DZIP3: variants seen among roughly 807,000 people sequenced by gnomAD.
The protein encoded by DZIP3 is E3 ubiquitin-protein ligase DZIP3.
In DZIP3, 118 loss-of-function variants were observed where a neutral mutation model predicts 162.0. That is an observed-to-expected ratio of 0.73 (90% confidence interval 0.63 to 0.85). The LOEUF (loss-of-function observed/expected upper bound fraction) is 0.85. Ranked by LOEUF, DZIP3 falls within the 40% of genes least tolerant of loss-of-function variation. DZIP3 has a pLI of 0.00. For missense variants in DZIP3, 1,331 were observed against 1,407.0 expected, an observed-to-expected ratio of 0.95 and a Z score of 0.86; for synonymous variants, 438 against 458.6, an observed-to-expected ratio of 0.96 and a Z score of 0.57.
rs1332287728 is a variant in DZIP3, at chr3:108,661,967, T to C, written c.2290T>C (p.Cys764Arg). 2 of 1,613,076 alleles carry C rather than the reference T, an allele frequency of 1.2e-6. No individual in the cohort carries two copies. The highest frequency in any genetic ancestry group is 1.7e-6 in the Non-Finnish European group (2 of 1,179,512). ...GCAGCTTTATAAATTGCACTATCAG[T>C]GTGAAGTAAGTATTTTTGCCATTAG... ...QRQLYKLHYQ[C>R]EDFKRQLRTV... is the part of the protein sequence containing the mutation. Residue 764 changes from cysteine (C) to arginine (R), a missense_variant, in exon 20 of 33, where the codon TGT becomes CGT. Around this residue, in one of 2 missense-constraint regions of DZIP3, gnomAD observed 1,278 missense variants for 1,317.1 expected, o/e 0.97. Coordinates refer to ENST00000361582, the MANE Select transcript of DZIP3 (RefSeq NM_014648.4).
At chr3:108,659,808 A>G (rs1216240756) in intron 19 of DZIP3, among the ~76,000 whole-genome samples, 3 of 152,236 alleles carry the variant, frequency 2.0e-5, no homozygotes, top group Non-Finnish European at 4.4e-5. Context: ...TATAAAATCA[A>G]TGTGCAAAAA....
intron 13 of DZIP3, among the ~76,000 whole-genome samples, chr3:108,643,372 G>T (rs1446077376): frequency 1.3e-5 from 2 of 151,906 alleles, no homozygotes; most frequent in Non-Finnish European, 2.9e-5. Context: ...CTTTTTTTGA[G>T]GGGGTGAGAA....
chr3:108,657,559 G>T (rs1324907790), intron 19 of DZIP3, among the ~76,000 whole-genome samples: 2 of 151,996 alleles, frequency 1.3e-5, no homozygotes, highest in South Asian at 4.2e-4. Context: ...AGACCATCGA[G>T]GCTAGGAAGA....
At chr3:108,620,217 G>A (rs1941258682) in intron 5 of DZIP3, among the ~76,000 whole-genome samples, 1 of 152,166 alleles carries the variant, frequency 6.6e-6, no homozygotes, top group Non-Finnish European at 1.5e-5. Flanking sequence ...GCCCAGGGAA[G>A]CCTATAAGAG....
In DZIP3 at chr3:108,644,582, T is replaced by G. The variant is rs1156533510; in HGVS notation, c.1560T>G (p.Gly520=). The change falls in exon 14 of 33, where the codon GGT becomes GGG. Residue 520 remains glycine (G), a synonymous_variant. Transcript: ENST00000361582. Reference sequence around the variant, plus strand: ...TCCTTAGTGAGATTTTGATGAATGGTCTCACTGAGTCACAGTTCAATTCAA... The same window carrying G: ...TCCTTAGTGAGATTTTGATGAATGGGCTCACTGAGTCACAGTTCAATTCAA... ...DILLSEILMN[G]LTESQFNSIW... The G allele has an allele frequency of 1.2e-6, 2 of 1,614,114 alleles. No homozygotes were observed. The highest frequency in any genetic ancestry group is 1.1e-5 in the South Asian group (1 of 91,080).
intron 19 of DZIP3, among the ~76,000 whole-genome samples, chr3:108,659,241 CA>C (rs1943300453): frequency 6.6e-6 from 1 of 152,102 alleles, no homozygotes; most frequent in African/African-American, 2.4e-5. Context: ...CAAAAATCCT[CA>C]ATAAAATACT....
At chr3:108,679,711 G>A (rs1440929733) in intron 26 of DZIP3, among the ~76,000 whole-genome samples, 1 of 152,062 alleles carries the variant, frequency 6.6e-6, no homozygotes, top group Non-Finnish European at 1.5e-5. Context: ...TTGATCTTGG[G>A]AAAAATCAGC....
intron 7 of DZIP3, among the ~76,000 whole-genome samples, chr3:108,626,677 AAT>A (rs1262306832): frequency 6.6e-6 from 1 of 152,228 alleles, no homozygotes; most frequent in Non-Finnish European, 1.5e-5. Flanking sequence ...TGGTTTACAA[AAT>A]ACAGTTCCTG....
Position 108,648,119 on chromosome 3 carries a change from G to C in DZIP3, c.1962+7G>C. On this transcript the variant is annotated splice_region_variant and intron_variant, in intron 16 of 32. Transcript: ENST00000361582. ...TCTTAAAGATCTCCAGGAAGTATAA[G>C]CTCTCATTAATATTTGAGTTAGAAG... The C allele has an allele frequency of 6.3e-7, 1 of 1,587,902 alleles. No homozygotes were observed.
At chr3:108,667,150 T>C (rs1018057317) in intron 21 of DZIP3, among the ~76,000 whole-genome samples, 1 of 151,194 alleles carries the variant, frequency 6.6e-6, no homozygotes, top group African/African-American at 2.4e-5. Flanking sequence ...CAAGGCTCCA[T>C]TTCAAAAAAA....
At chr3:108,688,558 T>G (rs1193599008) in intron 29 of DZIP3, 35 bp from the exon 30 acceptor site, 1 of 1,598,456 alleles carries the variant, frequency 6.3e-7, no homozygotes, top group East Asian at 2.2e-5. Flanking sequence ...TTTAGGATAA[T>G]TCTGAAAAAA....
At chr3:108,617,573 A>T (rs1941086942) in intron 5 of DZIP3, among the ~76,000 whole-genome samples, 1 of 152,198 alleles carries the variant, frequency 6.6e-6, no homozygotes, top group South Asian at 2.1e-4. Context: ...AAAAAGGACT[A>T]CCCAGACACC....
rs183944743 is a variant in DZIP3 at position 108,646,194 on chromosome 3, T to C, written c.1760-423T>C. Among the ~76,000 whole-genome samples, 359 of 152,280 alleles carry C rather than the reference T, an allele frequency of 2.4e-3. 1 individual carries two copies. The highest frequency in any genetic ancestry group is 2.7e-3 in the Non-Finnish European group (186 of 68,016). On this transcript the variant is annotated intron_variant, in intron 14 of 32. Transcript: ENST00000361582. ...AGAGCTTAACACAGCCTGATGTACA[T>C]TGTAGGTGCTCAATAAATATTAATG...
At chr3:108,621,854 C>T (rs1941366388) in intron 5 of DZIP3, among the ~76,000 whole-genome samples, 1 of 152,034 alleles carries the variant, frequency 6.6e-6, no homozygotes, top group African/African-American at 2.4e-5. Flanking sequence ...TTGAAAGCAA[C>T]CTAAGTGTCC....
intron 3 of DZIP3, among the ~76,000 whole-genome samples, chr3:108,610,006 G>A (rs1011363319): frequency 1.3e-5 from 2 of 152,008 alleles, no homozygotes; most frequent in Non-Finnish European, 2.9e-5. Context: ...TCTTTATAAG[G>A]GGTTTTTCTA....
chr3:108,609,737 G>A (rs1021823926), intron 3 of DZIP3, among the ~76,000 whole-genome samples: 3 of 152,100 alleles, frequency 2.0e-5, no homozygotes, highest in African/African-American at 7.2e-5. Flanking sequence ...GCTACTTGAG[G>A]GGCTAAGGTG....
chr3:108,662,035 G>T, intron 20 of DZIP3, 63 bp downstream of exon 20: 1 of 1,579,348 alleles, frequency 6.3e-7, no homozygotes, highest in Non-Finnish European at 8.6e-7. Flanking sequence ...AAACTTACTG[G>T]TGCTTTCTGT....
At chr3:108,619,933 T>G (rs1185086869) in intron 5 of DZIP3, among the ~76,000 whole-genome samples, 4 of 151,572 alleles carry the variant, frequency 2.6e-5, no homozygotes, top group Non-Finnish European at 5.9e-5. Flanking sequence ...TTGATGTTGG[T>G]CCATGGGGCT....
At chr3:108,665,552 G>A (rs79618141) in intron 21 of DZIP3, among the ~76,000 whole-genome samples, 30,929 of 152,056 alleles carry the variant, frequency 0.2, 3,723 homozygotes, top group East Asian at 0.45. Flanking sequence ...GACTGAAAAA[G>A]TATTCAAAGA....
Sources: gnomAD v4.1 joint callset for allele counts (sites outside exome capture counted in the v4.1 genomes callset) on GRCh38, gnomAD v4.1.1 for gene constraint, gnomAD v4.1.1 regional missense constraint, MANE v1.5 for transcripts, NCBI Gene and HGNC (gene_info 2026-07-23, HGNC 2026-07-21) for gene names.